Variants in ESRRG observed in about 807,000 individuals in gnomAD.
The protein encoded by ESRRG is estrogen-related receptor gamma.
In ESRRG, 13 loss-of-function variants were observed where a neutral mutation model predicts 44.0. That is an observed-to-expected ratio of 0.30 (90% CI 0.19 to 0.47). The LOEUF (loss-of-function observed/expected upper bound fraction) is 0.47. Ranked by LOEUF, ESRRG falls within the 20% of genes least tolerant of loss-of-function variation. ESRRG has a pLI of 1.00. For synonymous variants in ESRRG, 215 were observed against 214.6 expected (o/e 1.00, Z -0.02); for missense variants, 395 against 580.6 (o/e 0.68, Z 3.29).
At chr1:216,751,981 G>A (rs890416589) in intron 2 of ESRRG, among the ~76,000 whole-genome samples, 19 of 152,034 alleles carry the variant, frequency 1.2e-4, no homozygotes, top group Non-Finnish European at 2.5e-4. Flanking sequence ...CCATCTGGTC[G>A]TCCACTCTCT....
chr1:216,598,206 G>A (rs938516987), intron 3 of ESRRG, among the ~76,000 whole-genome samples: 2 of 152,122 alleles, frequency 1.3e-5, no homozygotes, highest in African/African-American at 4.8e-5. Context: ...ATAGAACTGT[G>A]AATAGAAAAA....
At chr1:216,630,169 T>A (rs1239335169) in intron 3 of ESRRG, among the ~76,000 whole-genome samples, 1 of 152,174 alleles carries the variant, frequency 6.6e-6, no homozygotes, top group African/African-American at 2.4e-5. Flanking sequence ...GGAAGTGCTA[T>A]GAAAAACTAT....
In ESRRG at chr1:216,689,351, C is replaced by T. The variant is rs908225175; in HGVS notation, c.57-11860G>A. On this transcript the variant is annotated intron_variant, in intron 1 of 6. Transcript: ENST00000408911. ...TTCCTATGACCATTACAGGAATTAC[C>T]GTTTTGTTCTCTAACCCAGTATTAT... Among the ~76,000 whole-genome samples the T allele has an allele frequency of 1.8e-4, 27 of 152,040 alleles. 1 individual carries two copies. The highest frequency in any genetic ancestry group is 2.9e-5 in the Non-Finnish European group (2 of 67,964).
intron 2 of ESRRG, among the ~76,000 whole-genome samples, chr1:216,753,576 T>C (rs2092238662): frequency 6.6e-6 from 1 of 152,104 alleles, no homozygotes; most frequent in Non-Finnish European, 1.5e-5. Flanking sequence ...GTTCTGATTT[T>C]AAAAAAGTTA....
At chr1:216,743,455 A>G (rs2091001232) in intron 2 of ESRRG, among the ~76,000 whole-genome samples, 1 of 152,356 alleles carries the variant, frequency 6.6e-6, no homozygotes, top group South Asian at 2.1e-4. Context: ...ATTAAAAAAT[A>G]TAAAAGTATT....
At chr1:216,830,467 A>C (rs965753679) in intron 2 of ESRRG, among the ~76,000 whole-genome samples, 17 of 152,210 alleles carry the variant, frequency 1.1e-4, no homozygotes, top group African/African-American at 3.9e-4. Context: ...TTTATTAGGG[A>C]AAACACAGCC....
chr1:216,573,183 A>G (rs74141609), intron 3 of ESRRG, among the ~76,000 whole-genome samples: 4,552 of 152,066 alleles, frequency 0.03, 196 homozygotes, highest in African/African-American at 0.1. Context: ...TGTGAAGATT[A>G]AAGTTTCCCT....
intron 2 of ESRRG, among the ~76,000 whole-genome samples, chr1:216,859,352 A>C (rs981637945): frequency 5.3e-5 from 8 of 152,208 alleles, no homozygotes; most frequent in African/African-American, 1.9e-4. Context: ...AGAGGCCAAC[A>C]GACTCCTTCA....
intron 1 of ESRRG, among the ~76,000 whole-genome samples, chr1:217,121,897 G>T (rs1318295891): frequency 2.0e-5 from 3 of 152,186 alleles, no homozygotes; most frequent in African/African-American, 4.8e-5. Context: ...GCTAGATGTG[G>T]CCATATGACT....
At chr1:216,614,327 GT>G (rs1349613058) in intron 3 of ESRRG, among the ~76,000 whole-genome samples, 1 of 139,792 alleles carries the variant, frequency 7.2e-6, no homozygotes, top group Non-Finnish European at 1.5e-5. Context: ...GTGACCCTCT[GT>G]GACATCCTCT....
At chr1:217,047,854 T>C (rs185738199) in intron 1 of ESRRG, among the ~76,000 whole-genome samples, 7 of 152,290 alleles carry the variant, frequency 4.6e-5, no homozygotes, top group Admixed American at 4.6e-4. Flanking sequence ...TACCAGATTG[T>C]GTGTTTGACT....
At chr1:216,709,343 G>GTATATATATATATATATATATA (rs71163761) in intron 1 of ESRRG, among the ~76,000 whole-genome samples, 14 of 145,392 alleles carry the variant, frequency 9.6e-5, no homozygotes, top group African/African-American at 3.6e-4. Context: ...GTGTGTGTGT[G>GTATATATATATATATATATATA]TATATATATA....
At chr1:216,592,043 C>T (rs920162341) in intron 3 of ESRRG, among the ~76,000 whole-genome samples, 6 of 152,136 alleles carry the variant, frequency 3.9e-5, no homozygotes, top group South Asian at 2.1e-4. Context: ...TGATATAATG[C>T]GATGAGATCA....
At chr1:216,680,173 TAA>T (rs896306781) in intron 1 of ESRRG, among the ~76,000 whole-genome samples, 1 of 152,174 alleles carries the variant, frequency 6.6e-6, no homozygotes, top group Non-Finnish European at 1.5e-5. Flanking sequence ...GTGGAAATAA[TAA>T]AAGTCAGAAT....
intron 2 of ESRRG, among the ~76,000 whole-genome samples, chr1:216,855,466 A>G (rs930809007): frequency 6.6e-6 from 1 of 152,208 alleles, no homozygotes; most frequent in African/African-American, 2.4e-5. Flanking sequence ...AGATAAGAAA[A>G]GTTCAACTCT....
chr1:216,699,266 A>G (rs1241125428), intron 1 of ESRRG, among the ~76,000 whole-genome samples: 1 of 152,196 alleles, frequency 6.6e-6, no homozygotes, highest in Non-Finnish European at 1.5e-5. Context: ...ATTATGGGTG[A>G]TAAGGGCAAG....
intron 2 of ESRRG, among the ~76,000 whole-genome samples, chr1:216,788,098 G>A (rs112475404): frequency 0.11 from 16,490 of 152,214 alleles, 1,203 homozygotes; most frequent in South Asian, 0.25. Context: ...AGCAGCAAGT[G>A]CTGATGTAGA....
At chr1:217,014,096 C>T (rs1424646523) in intron 1 of ESRRG, among the ~76,000 whole-genome samples, 1 of 151,952 alleles carries the variant, frequency 6.6e-6, no homozygotes, top group East Asian at 1.9e-4. Context: ...CCCCCTTTCC[C>T]TCCTTCCAAA....
chr1:217,022,072 C>T (rs1042885478), intron 1 of ESRRG, among the ~76,000 whole-genome samples: 9 of 152,152 alleles, frequency 5.9e-5, no homozygotes, highest in Non-Finnish European at 1.3e-4. Context: ...TCATCCACAG[C>T]AGAATATTTA....
Sources: gnomAD v4.1 joint callset for allele counts (sites outside exome capture counted in the v4.1 genomes callset) on GRCh38, gnomAD v4.1.1 for gene constraint, MANE v1.5 for transcripts, NCBI Gene and HGNC (gene_info 2026-07-23, HGNC 2026-07-21) for gene names.